The following MGAT4A variants were observed in gnomAD, a reference collection of about 807,000 sequenced individuals.
MGAT4A encodes N-acetylglucosaminyltransferase IVa.
In MGAT4A, 33 loss-of-function variants were observed where a neutral mutation model predicts 74.1. The ratio of observed to expected loss-of-function variants is 0.45; its 90% CI spans 0.34 to 0.60. The LOEUF is 0.60. Among genes scored for constraint, MGAT4A ranks in the 20% least tolerant of loss-of-function variants. MGAT4A has a pLI of 0.02. For synonymous variants in MGAT4A, 198 were observed against 210.4 expected, an observed-to-expected ratio of 0.94 and a Z score of 0.51; for missense variants, 479 against 628.3, an observed-to-expected ratio of 0.76 and a Z score of 2.54.
chr2:98,702,846 T>G (rs1001697197), intron 2 of MGAT4A, among the ~76,000 whole-genome samples: 1 of 152,236 alleles, frequency 6.6e-6, no homozygotes, highest in African/African-American at 2.4e-5. Context: ...AGAGACAGAC[T>G]TGAGATTTAG....
chr2:98,662,272 T>C (rs1193422267), intron 5 of MGAT4A, among the ~76,000 whole-genome samples: 1 of 152,226 alleles, frequency 6.6e-6, no homozygotes, highest in African/African-American at 2.4e-5. Flanking sequence ...TTTCTGTAAA[T>C]CTAAAATTAT....
At chr2:98,663,755 G>A (rs1380021432) in intron 4 of MGAT4A, among the ~76,000 whole-genome samples, 1 of 152,198 alleles carries the variant, frequency 6.6e-6, no homozygotes, top group African/African-American at 2.4e-5. Context: ...TGAAATATGG[G>A]ATCTTGATTT....
intron 4 of MGAT4A, among the ~76,000 whole-genome samples, chr2:98,664,519 C>T (rs900687452): frequency 2.6e-5 from 4 of 152,120 alleles, no homozygotes; most frequent in Admixed American, 2.6e-4. Flanking sequence ...AAATACCTAC[C>T]AGCTGTCTCA....
At chr2:98,652,192 CA>C (rs919833184) in intron 8 of MGAT4A, among the ~76,000 whole-genome samples, 3 of 152,128 alleles carry the variant, frequency 2.0e-5, no homozygotes, top group Non-Finnish European at 4.4e-5. Context: ...CGGACTTAAA[CA>C]ACACTATAAT....
chr2:98,677,459 T>C (rs1701990496), intron 3 of MGAT4A, among the ~76,000 whole-genome samples: 2 of 152,204 alleles, frequency 1.3e-5, no homozygotes, highest in South Asian at 2.1e-4. Context: ...AATTTAACTT[T>C]TTTTGTTTTT....
intron 2 of MGAT4A, among the ~76,000 whole-genome samples, chr2:98,685,492 T>C (rs1205374168): frequency 1.3e-5 from 2 of 152,204 alleles, no homozygotes; most frequent in South Asian, 4.1e-4. Flanking sequence ...CTAGATGAAA[T>C]TGCAGAAAAT....
rs918648626 is a variant in MGAT4A at position 98,620,799 on chromosome 2, T to C, written c.*4767A>G. On this transcript the variant is annotated 3_prime_UTR_variant, in exon 16 of 16. Coordinates refer to ENST00000393487, the MANE Select transcript of MGAT4A (RefSeq NM_012214.3). ...ACAGGCTCAGAGCAGTCTAAATCAGTATAAAGTAACACCTCTTCTAGAAAT... is the reference window on the plus strand; with the variant it reads ...ACAGGCTCAGAGCAGTCTAAATCAGCATAAAGTAACACCTCTTCTAGAAAT... 3.3e-5 allele frequency: 5 copies of C among 152,214 alleles called. No homozygotes were observed. Among genetic ancestry groups the C allele is most frequent in the Admixed American group, 6.5e-5 (1 of 15,284 alleles). The allele number at this position is 152,214 out of a possible 1,614,324, so 9.4% of individuals were successfully genotyped here.
At chr2:98,682,422 CAAAA>C (rs1013377462) in intron 2 of MGAT4A, among the ~76,000 whole-genome samples, 3 of 36,454 alleles carry the variant, frequency 8.2e-5, no homozygotes, top group African/African-American at 2.3e-4. Context: ...AATTCCATCT[CAAAA>C]AAAAAAAAAA....
intron 6 of MGAT4A, among the ~76,000 whole-genome samples, chr2:98,657,890 G>GC (rs1237711777): frequency 1.3e-5 from 2 of 152,112 alleles, no homozygotes; most frequent in Non-Finnish European, 2.9e-5. Flanking sequence ...GGAAGATTTT[G>GC]CCTGGTAAAT....
intron 8 of MGAT4A, among the ~76,000 whole-genome samples, chr2:98,648,132 CG>C (rs1701522285): frequency 6.6e-6 from 1 of 152,176 alleles, no homozygotes; most frequent in East Asian, 1.9e-4. Context: ...ACATAATAAG[CG>C]TATGTGAAGA....
intron 1 of MGAT4A, among the ~76,000 whole-genome samples, chr2:98,728,014 C>T (rs929285136): frequency 6.6e-6 from 1 of 152,182 alleles, no homozygotes; most frequent in East Asian, 1.9e-4. Flanking sequence ...AGGCCTCCTG[C>T]ACCTGGCAAT....
chr2:98,688,394 C>T (rs1702154530), intron 2 of MGAT4A, among the ~76,000 whole-genome samples: 1 of 152,214 alleles, frequency 6.6e-6, no homozygotes, highest in African/African-American at 2.4e-5. Flanking sequence ...ACTTCCACAA[C>T]CTCTGCCCCT....
chr2:98,684,910 G>T (rs1702108204), intron 2 of MGAT4A, among the ~76,000 whole-genome samples: 1 of 152,026 alleles, frequency 6.6e-6, no homozygotes, highest in Non-Finnish European at 1.5e-5. Flanking sequence ...ATATTTATTA[G>T]ATAATAAAAT....
intron 8 of MGAT4A, among the ~76,000 whole-genome samples, chr2:98,649,803 A>G (rs557446772): frequency 6.6e-5 from 10 of 152,204 alleles, no homozygotes; most frequent in African/African-American, 2.2e-4. Flanking sequence ...CCACTACAAA[A>G]CCAAACTGCA....
intron 2 of MGAT4A, among the ~76,000 whole-genome samples, chr2:98,679,405 C>CA (rs753919040): frequency 0.012 from 400 of 32,820 alleles, 11 homozygotes; most frequent in African/African-American, 0.021. Context: ...GACTCCGTCT[C>CA]AAAAAAAAAA....
Position 98,655,514 on chromosome 2 carries a change from T to G in MGAT4A, c.705A>C (p.Arg235Ser). 6.2e-7 allele frequency: 1 copy of G among 1,608,098 alleles called. No homozygotes were observed. Among genetic ancestry groups the G allele is most frequent in the African/African-American group, 1.3e-5 (1 of 74,826 alleles). Residue 235 changes from arginine to serine, a missense_variant, in exon 8 of 16, where the codon AGA becomes AGC. Arg to Ser is a moderately radical substitution (Grantham distance 110). This residue lies in a region of MGAT4A where 38 missense variants were observed against 87.4 expected (regional missense o/e 0.43). Coordinates refer to ENST00000393487, the MANE Select transcript of MGAT4A (RefSeq NM_012214.3). ...FGDSKERVRW[R>S]TKQNLDYCFL... The stretch of plus-strand genomic sequence containing the variant: ...AACAGTAATCTAGGTTTTGCTTTGT[T>G]CTCCATCTGAAATAAACATTTTCAA...
chr2:98,625,368 T>C lies in MGAT4A; in HGVS notation c.*198A>G. On this transcript the variant is annotated 3_prime_UTR_variant, in exon 16 of 16. Coordinates refer to ENST00000393487, the MANE Select transcript of MGAT4A (RefSeq NM_012214.3). ...ATAATTGAAAAATGTTTGAGTCAAGTTAAAATCTGAGGACAGCTTAGTTTC... is the reference window on the plus strand; with the variant it reads ...ATAATTGAAAAATGTTTGAGTCAAGCTAAAATCTGAGGACAGCTTAGTTTC... 7.2e-7 allele frequency: 1 copy of C among 1,382,270 alleles called. No homozygotes were observed. Among genetic ancestry groups the C allele is most frequent in the Non-Finnish European group, 9.4e-7 (1 of 1,066,774 alleles). The allele number at this position is 1,382,270 out of a possible 1,614,324, so 85.6% of individuals were successfully genotyped here.
intron 4 of MGAT4A, among the ~76,000 whole-genome samples, chr2:98,664,887 T>C (rs1701801844): frequency 6.6e-6 from 1 of 152,232 alleles, no homozygotes; most frequent in African/African-American, 2.4e-5. Flanking sequence ...TATAGAGGTA[T>C]TTCAAAGTAA....
intron 8 of MGAT4A, among the ~76,000 whole-genome samples, chr2:98,650,560 A>G (rs1305170198): frequency 6.6e-6 from 1 of 152,246 alleles, no homozygotes; most frequent in Non-Finnish European, 1.5e-5. Context: ...ACTTTATTAT[A>G]GGCTAGAAGA....
Sources: gnomAD v4.1 joint callset for allele counts (sites outside exome capture counted in the v4.1 genomes callset) on GRCh38, gnomAD v4.1.1 for gene constraint, gnomAD v4.1.1 regional missense constraint, MANE v1.5 for transcripts, NCBI Gene and HGNC (gene_info 2026-07-23, HGNC 2026-07-21) for gene names.